The following MORN1 variants were observed in gnomAD, a reference collection of about 807,000 sequenced individuals.
MORN1 encodes MORN repeat-containing protein 1.
In MORN1, 67 loss-of-function variants were observed where a neutral mutation model predicts 61.9. The observed-to-expected ratio is 1.08, with a 90% CI of 0.89 to 1.33. MORN1 has a LOEUF of 1.33. Ranked by LOEUF, MORN1 falls within the 40% of genes most tolerant of loss-of-function variation. The probability of loss-of-function intolerance (pLI) is 0.00; values close to 1 mark genes in which losing one functional copy is unlikely to be tolerated. For synonymous variants in MORN1, 301 were observed against 292.0 expected, an observed-to-expected ratio of 1.03 and a Z score of -0.31; for missense variants, 752 against 691.2, an observed-to-expected ratio of 1.09 and a Z score of -0.99.
At chr1:2,384,628 TG>T (rs1642446811) in intron 6 of MORN1, among the ~76,000 whole-genome samples, 1 of 152,206 alleles carries the variant, frequency 6.6e-6, no homozygotes, top group Non-Finnish European at 1.5e-5. Flanking sequence ...CCGCCTCAGC[TG>T]CGCCACCAGT....
intron 5 of MORN1, chr1:2,385,426 A>G (rs1164558152): frequency 7.7e-6 from 3 of 391,304 alleles, no homozygotes; most frequent in Admixed American, 4.2e-5. Flanking sequence ...GATGCCTAGC[A>G]CTTGGGAGGC....
rs185653410 is a variant in MORN1, at chr1:2,367,605, C to T, written c.745+4876G>A. Among the ~76,000 whole-genome samples, 378 of 152,222 alleles carry T rather than the reference C, an allele frequency of 2.5e-3. 2 individuals carry two copies. Among genetic ancestry groups the T allele is most frequent in the Non-Finnish European group, 2.9e-3 (195 of 68,008 alleles). On this transcript the variant is annotated intron_variant, in intron 8 of 13. Transcript: ENST00000378531. ...TTACACCAAACAAAAAGATTAATAC[C>T]GAACGGTTCACAGTCCTAAATGTAA...
chr1:2,383,615 T>C (rs1439479976), intron 6 of MORN1, among the ~76,000 whole-genome samples: 1 of 152,246 alleles, frequency 6.6e-6, no homozygotes, highest in Admixed American at 6.5e-5. Context: ...AACGAGGGAC[T>C]CCTCTCCACG....
At position 2,384,875 on chromosome 1, in the gene MORN1, C is replaced by T. The variant is rs1233191147; in HGVS notation, c.537+103G>A. 23 of 959,734 alleles carry T rather than the reference C, an allele frequency of 2.4e-5. No homozygotes were observed. In the South Asian group the frequency reaches 2.8e-4, roughly 12 times the overall value. The allele number at this position is 959,734 out of a possible 1,614,324, so 59.5% of individuals were successfully genotyped here. A position where few individuals can be genotyped will look rare whatever the true frequency, so the allele number is the denominator to read the frequency against. On this transcript the variant is annotated intron_variant, in intron 6 of 13. Transcript: ENST00000378531. The stretch of plus-strand genomic sequence containing the variant: ...GATCAGGGAATCGCAGGGCCTGGCA[C>T]ATGGAGAAGCTGCCAGGGTGAGGCT...
intron 10 of MORN1, among the ~76,000 whole-genome samples, chr1:2,354,515 C>A (rs549104088): frequency 1.3e-5 from 2 of 152,086 alleles, no homozygotes; most frequent in Non-Finnish European, 2.9e-5. Context: ...TGCGATGAGC[C>A]GAGATCACGC....
intron 10 of MORN1, chr1:2,351,148 A>C (rs1368371380): frequency 4.6e-5 from 7 of 152,564 alleles, no homozygotes; most frequent in Non-Finnish European, 8.8e-5. Flanking sequence ...TGCCAGGTGA[A>C]GTCCAGCTGG....
Position 2,390,004 on chromosome 1 carries a change from T to C in MORN1, c.77-8A>G, listed in dbSNP as rs1309962415. The C allele has an allele frequency of 3.1e-6, 5 of 1,611,594 alleles. No homozygotes were observed. In the African/African-American group the frequency reaches 5.3e-5, roughly 17 times the overall value. On this transcript the variant is annotated splice_region_variant and splice_polypyrimidine_tract_variant and intron_variant, in intron 1 of 13. Coordinates refer to ENST00000378531, the MANE Select transcript of MORN1 (RefSeq NM_024848.3). ...ATACGTAGACACCATAACCTGAGTA[T>C]TGAGAAGACACACACAGGTAAGCAC...
At chr1:2,327,445 AAC>A (rs1201335161) in intron 12 of MORN1, among the ~76,000 whole-genome samples, 2 of 151,900 alleles carry the variant, frequency 1.3e-5, no homozygotes, top group Non-Finnish European at 2.9e-5. Flanking sequence ...GCGACGCAGA[AAC>A]ACAGCAACAC....
At position 2,388,352 on chromosome 1, in the gene MORN1, C is replaced by A; in HGVS notation, c.149-15G>T. 6.2e-7 allele frequency: 1 copy of A among 1,604,456 alleles called. No homozygotes were observed. The highest frequency in any genetic ancestry group is 1.1e-5 in the South Asian group (1 of 90,860). On this transcript the variant is annotated splice_polypyrimidine_tract_variant and intron_variant, in intron 2 of 13. Transcript: ENST00000378531. The stretch of plus-strand genomic sequence containing the variant: ...CTTCCCGTGACCTGGCAGGAGAAAT[C>A]GTCACGTGAACTCAGACAGTGGTTG...
intron 13 of MORN1, chr1:2,322,423 C>A (rs1313274508): frequency 1.0e-6 from 1 of 985,292 alleles, no homozygotes; most frequent in Non-Finnish European, 1.2e-6. Flanking sequence ...GCCTGGAAAA[C>A]AGCGCTCCCC....
In MORN1 at chr1:2,321,542, C is replaced by T. The variant is rs376850324; in HGVS notation, c.1335G>A (p.Pro445=). ...GGGGCAGCCTGCGCCCCAGGAACGG[C>T]GGGGTGGTCACGTCGCGGATCATGA... The part of the protein sequence containing the change: ...YVLMIRDVTT[P]PFLGRRLPPA... Residue 445 remains proline, a synonymous_variant, in exon 14 of 14, where the codon CCG becomes CCA. Transcript: ENST00000378531. The T allele has an allele frequency of 2.5e-5, 38 of 1,527,462 alleles. No individual in the cohort carries two copies. Among genetic ancestry groups the T allele is most frequent in the African/African-American group, 6.9e-5 (5 of 72,554 alleles). The allele number at this position is 1,527,462 out of a possible 1,614,324, so 94.6% of individuals were successfully genotyped here.
At chr1:2,339,745 C>T (rs576793818) in intron 10 of MORN1, among the ~76,000 whole-genome samples, 14 of 152,304 alleles carry the variant, frequency 9.2e-5, no homozygotes, top group African/African-American at 2.2e-4. Flanking sequence ...GACCCTCACA[C>T]GGAAGCCAGG....
chr1:2,380,605 C>T (rs558370044), intron 6 of MORN1, among the ~76,000 whole-genome samples: 26 of 152,152 alleles, frequency 1.7e-4, no homozygotes, highest in East Asian at 9.7e-4. Context: ...GTGCAGTGGG[C>T]GTGATCTCAG....
Position 2,334,387 on chromosome 1 carries a change from T to C in MORN1, c.1250+2082A>G, listed in dbSNP as rs1404252854. The stretch of plus-strand genomic sequence containing the variant: ...GATCCATGGCGGAGAGGCCTGCAAG[T>C]GTGCAGCCCTTCACCTCCATGCTGG... On this transcript the variant is annotated intron_variant, in intron 12 of 13. Transcript: ENST00000378531. This position sits in a 1 kb window ranked among gnomAD's most constrained non-coding sequence, Gnocchi z 5.4. Among the ~76,000 whole-genome samples the C allele has an allele frequency of 6.6e-6, 1 of 152,180 alleles. No homozygotes were observed. The highest frequency in any genetic ancestry group is 6.5e-5 in the Admixed American group (1 of 15,290).
At chr1:2,373,966 C>T (rs948561749) in intron 7 of MORN1, among the ~76,000 whole-genome samples, 3 of 152,210 alleles carry the variant, frequency 2.0e-5, no homozygotes, top group African/African-American at 4.8e-5. Flanking sequence ...TGAACTTGGC[C>T]CCGAGGTTTG....
chr1:2,366,979 GAAAAATAC>G (rs1279393397), intron 8 of MORN1, among the ~76,000 whole-genome samples: 2 of 149,928 alleles, frequency 1.3e-5, no homozygotes, highest in Non-Finnish European at 3.0e-5. Context: ...AAAATACATA[GAAAAATAC>G]ATAGAAAAAC....
chr1:2,344,476 G>A (rs1336239305), intron 10 of MORN1, among the ~76,000 whole-genome samples: 1 of 152,226 alleles, frequency 6.6e-6, no homozygotes, highest in Non-Finnish European at 1.5e-5. Context: ...TGGGGGACGG[G>A]GTGTGGGGTG....
intron 4 of MORN1, 187 bp from the exon 5 acceptor site, chr1:2,386,084 C>G (rs969948365): frequency 1.5e-5 from 9 of 592,424 alleles, no homozygotes; most frequent in Non-Finnish European, 2.7e-5. Flanking sequence ...CAGCACGGCT[C>G]GGTGAGGCTC....
At chr1:2,353,676 C>T (rs750551457) in intron 10 of MORN1, among the ~76,000 whole-genome samples, 1 of 152,214 alleles carries the variant, frequency 6.6e-6, no homozygotes, top group Non-Finnish European at 1.5e-5. Flanking sequence ...GGCTCCTGGC[C>T]GGAGTCCCCG....
Sources: gnomAD v4.1 joint callset for allele counts (sites outside exome capture counted in the v4.1 genomes callset) on GRCh38, gnomAD v4.1.1 for gene constraint, Gnocchi (gnomAD v3.1) non-coding constraint, MANE v1.5 for transcripts, NCBI Gene and HGNC (gene_info 2026-07-23, HGNC 2026-07-21) for gene names.